Variants in RBM23 observed in about 807,000 individuals in gnomAD.
RBM23 encodes the protein probable RNA-binding protein 23.
RBM23 carries 53 observed loss-of-function variants against 56.2 expected under a neutral mutation model. The observed-to-expected ratio is 0.94, with a 90% CI of 0.76 to 1.19. The LOEUF is 1.19. Among genes scored for constraint, RBM23 ranks in the 50% most tolerant of loss-of-function variants. RBM23 has a pLI of 0.00. For missense variants in RBM23, 642 were observed against 590.3 expected (o/e 1.09, Z -0.91); for synonymous variants, 197 against 198.5 (o/e 0.99, Z 0.06).
At chr14:22,916,548 T>G (rs1025765389) in intron 1 of RBM23, among the ~76,000 whole-genome samples, 3 of 151,728 alleles carry the variant, frequency 2.0e-5, no homozygotes, top group Non-Finnish European at 4.4e-5. Flanking sequence ...AGTACTAGGA[T>G]TACATCTGGC....
At chr14:22,904,631 T>A (rs1226268223) in intron 9 of RBM23, among the ~76,000 whole-genome samples, 2 of 151,892 alleles carry the variant, frequency 1.3e-5, no homozygotes. Flanking sequence ...ACCACCACAT[T>A]GGCTAATTTT....
rs59987550 is a variant in RBM23 at position 22,902,756 on chromosome 14, C to CTT, written c.931-376_931-375dup. ...GTTCTCTATCCTAGTAAGTTTTAGT[C>CTT]TTTTTTTTTTTTTTTTTTTTTTTTT... On this transcript the variant is annotated intron_variant, in intron 10 of 13. Coordinates refer to ENST00000359890, the MANE Select transcript of RBM23 (RefSeq NM_001077351.2). 6.5e-5 allele frequency: 30 copies of CTT among 460,866 alleles called. 2 individuals are homozygous for CTT. Among genetic ancestry groups the CTT allele is most frequent in the African/African-American group, 5.6e-4 (18 of 32,090 alleles). 28.5% of individuals were successfully genotyped at this position (460,866 alleles called of 1,614,324 possible).
At chr14:22,910,908 C>T (rs184802895) in intron 2 of RBM23, among the ~76,000 whole-genome samples, 13 of 152,040 alleles carry the variant, frequency 8.6e-5, no homozygotes, top group East Asian at 3.9e-4. Context: ...CTACTTGGGA[C>T]GCTGAGGCAT....
At chr14:22,913,642 G>A (rs1386062031) in intron 1 of RBM23, 1 of 151,686 alleles carries the variant, frequency 6.6e-6, no homozygotes, top group Non-Finnish European at 1.5e-5. Flanking sequence ...GAGGTCAGGA[G>A]TTTGAGACCA....
At chr14:22,902,820 G>A (rs967960907) in intron 10 of RBM23, 1 of 952,074 alleles carries the variant, frequency 1.1e-6, no homozygotes, top group Non-Finnish European at 1.2e-6. Flanking sequence ...TGTCACTGAG[G>A]CTAGAGTGCA....
At chr14:22,905,758 T>C (rs2041426541) in intron 5 of RBM23, 99 bp from the exon 6 acceptor site, 7 of 961,558 alleles carry the variant, frequency 7.3e-6, no homozygotes, top group South Asian at 1.5e-5. Context: ...CTTCATCTCA[T>C]TGTTTTTTTA....
rs1378079820 is a variant in RBM23 at position 22,904,854 on chromosome 14, G to C, written c.864+21C>G. The stretch of plus-strand genomic sequence containing the variant: ...CCACTTCTTCCAATTCCCTTCAGAG[G>C]TTTCTCTCACTTCTACTCACTTTAC... On this transcript the variant is annotated intron_variant, in intron 9 of 13. Transcript: ENST00000359890. 2.5e-6 allele frequency: 4 copies of C among 1,613,682 alleles called. No individual in the cohort carries two copies. In the African/African-American group the frequency reaches 4.0e-5, roughly 16 times the overall value.
Position 22,900,542 on chromosome 14 carries a change from G to C in RBM23, c.*1188C>G, listed in dbSNP as rs2040362787. 6.6e-6 allele frequency: 1 copy of C among 152,152 alleles called. No individual in the cohort carries two copies. Among genetic ancestry groups the C allele is most frequent in the East Asian group, 1.9e-4 (1 of 5,200 alleles). 9.4% of individuals were successfully genotyped at this position (152,152 alleles called of 1,614,324 possible). On this transcript the variant is annotated 3_prime_UTR_variant, in exon 14 of 14. Transcript: ENST00000359890. ...AGTTAGGATGAAGATAGATGGAGAA[G>C]ACAACCATAGATCAACAGTGTAATG...
At position 22,913,127 on chromosome 14, in the gene RBM23, CAAG is replaced by C. The variant is rs371298421; in HGVS notation, c.-10-1727_-10-1725del. 4.0e-3 allele frequency among the ~76,000 whole-genome samples: 577 copies of C among 145,828 alleles called. 2 individuals carry two copies. The highest frequency in any genetic ancestry group is 0.013 in the African/African-American group (527 of 39,438). On this transcript the variant is annotated intron_variant, in intron 1 of 13. Coordinates refer to ENST00000359890, the MANE Select transcript of RBM23 (RefSeq NM_001077351.2). ...GGGAGAAAAAGATTTTAAAAGGGCACAAGAAGGCCGGGCGCGGTGGCTCATGCT... is the reference window on the plus strand; with the variant it reads ...GGGAGAAAAAGATTTTAAAAGGGCACAAGGCCGGGCGCGGTGGCTCATGCT...
In RBM23 at chr14:22,900,538, A is replaced by C. The variant is rs1430282343; in HGVS notation, c.*1192T>G. On this transcript the variant is annotated 3_prime_UTR_variant, in exon 14 of 14. Transcript: ENST00000359890. ...AGATAGTTAGGATGAAGATAGATGG[A>C]GAAGACAACCATAGATCAACAGTGT... 2 of 152,224 alleles carry C rather than the reference A, an allele frequency of 1.3e-5. No individual in the cohort carries two copies. Among genetic ancestry groups the C allele is most frequent in the Non-Finnish European group, 1.5e-5 (1 of 68,044 alleles). The allele number at this position is 152,224 out of a possible 1,614,324, so 9.4% of individuals were successfully genotyped here. A position where few individuals can be genotyped will look rare whatever the true frequency, so the allele number is the denominator to read the frequency against.
At position 22,900,169 on chromosome 14, in the gene RBM23, T is replaced by C. The variant is rs3811185; in HGVS notation, c.*1561A>G. The C allele has an allele frequency of 0.33, 49,763 of 151,936 alleles. 9,234 individuals are homozygous for C. Among genetic ancestry groups the C allele is most frequent in the African/African-American group, 0.5 (20,863 of 41,398 alleles). 9.4% of individuals were successfully genotyped at this position (151,936 alleles called of 1,614,324 possible). A position where few individuals can be genotyped will look rare whatever the true frequency, so the allele number is the denominator to read the frequency against. Reference sequence around the variant, plus strand: ...GAGGGGACTGACAGAGGAACAACAGTAGACATCAGGTCAGGAGAACCCTGC... The same window carrying C: ...GAGGGGACTGACAGAGGAACAACAGCAGACATCAGGTCAGGAGAACCCTGC... On this transcript the variant is annotated 3_prime_UTR_variant, in exon 14 of 14. Transcript: ENST00000359890.
chr14:22,909,548 G>A lies in RBM23; in HGVS notation c.114C>T (p.Thr38=). The A allele has an allele frequency of 6.2e-7, 1 of 1,613,550 alleles. No individual in the cohort carries two copies. Among genetic ancestry groups the A allele is most frequent in the Non-Finnish European group, 8.5e-7 (1 of 1,179,986 alleles). ...KEVKKDYPSN[T]TSSTSNSGNE... is the part of the protein sequence containing the mutation. The stretch of plus-strand genomic sequence containing the variant: ...TGCCACTGTTGCTGGTGCTGCTGGT[G>A]GTATTGCTAGGATAATCCTTTTTAA... The change falls in exon 3 of 14, where the codon ACC becomes ACT. Residue 38 remains threonine (T), a synonymous_variant. Coordinates refer to ENST00000359890, the MANE Select transcript of RBM23 (RefSeq NM_001077351.2).
At position 22,901,429 on chromosome 14, in the gene RBM23, A is replaced by G; in HGVS notation, c.*301T>C. On this transcript the variant is annotated 3_prime_UTR_variant, in exon 14 of 14. Coordinates refer to ENST00000359890, the MANE Select transcript of RBM23 (RefSeq NM_001077351.2). ...TGGGGGAGAAATTGAGGAATCACTA[A>G]GGTGTTGGAAAGGGCAAGAAGGTAA... 1 of 525,164 alleles carries G rather than the reference A, an allele frequency of 1.9e-6. No homozygotes were observed. Among genetic ancestry groups the G allele is most frequent in the Non-Finnish European group, 3.4e-6 (1 of 294,450 alleles). 32.5% of individuals were successfully genotyped at this position (525,164 alleles called of 1,614,324 possible).
chr14:22,903,448 C>G (rs2040970700), intron 10 of RBM23: 1 of 985,354 alleles, frequency 1.0e-6, no homozygotes, highest in South Asian at 4.7e-5. Flanking sequence ...CCACAGCTAG[C>G]TTGTTTAGCT....
chr14:22,915,914 A>T (rs181792998), intron 1 of RBM23, among the ~76,000 whole-genome samples: 1 of 152,360 alleles, frequency 6.6e-6, no homozygotes, highest in Admixed American at 6.5e-5. Flanking sequence ...GAACTGCTCA[A>T]AGTCATACAT....
intron 2 of RBM23, among the ~76,000 whole-genome samples, chr14:22,910,236 C>A (rs561548510): frequency 2.2e-5 from 3 of 135,592 alleles, no homozygotes; most frequent in Non-Finnish European, 4.7e-5. Flanking sequence ...CCAAGGCAGG[C>A]GGGTCACCTG....
Position 22,911,200 on chromosome 14 carries a change from T to C in RBM23, c.66+128A>G, listed in dbSNP as rs867170012. ...AAGCTTACTAAGACTATGCCTTTTA[T>C]GATTAGTTATTCTACATAATAAATA... On this transcript the variant is annotated intron_variant, in intron 2 of 13. Coordinates refer to ENST00000359890, the MANE Select transcript of RBM23 (RefSeq NM_001077351.2). 4.4e-5 allele frequency: 34 copies of C among 770,086 alleles called. No homozygotes were observed. In the African/African-American group the frequency reaches 4.7e-4, roughly 11 times the overall value. 47.7% of individuals were successfully genotyped at this position (770,086 alleles called of 1,614,324 possible). A position where few individuals can be genotyped will look rare whatever the true frequency, so the allele number is the denominator to read the frequency against.
rs2040206104 is a variant in RBM23, at chr14:22,893,964, G to GTTTCCT, written c.*7765_*7766insAGGAAA. On this transcript the variant is annotated 3_prime_UTR_variant, in exon 14 of 14. Coordinates refer to ENST00000359890, the MANE Select transcript of RBM23 (RefSeq NM_001077351.2). ...AGTGCTCAGGATGTTTCCTGGATGG[G>GTTTCCT]GGTCTGTGGATGAAGTCACTCTTAA... 6.6e-6 allele frequency: 1 copy of GTTTCCT among 152,130 alleles called. No individual in the cohort carries two copies. Among genetic ancestry groups the GTTTCCT allele is most frequent in the Non-Finnish European group, 1.5e-5 (1 of 68,018 alleles). The allele number at this position is 152,130 out of a possible 1,614,324, so 9.4% of individuals were successfully genotyped here.
At chr14:22,903,431 G>A (rs750026113) in intron 10 of RBM23, 106 of 985,274 alleles carry the variant, frequency 1.1e-4, no homozygotes, top group Admixed American at 3.1e-4. Context: ...CCACAGAATT[G>A]TCAACACCAC....
Sources: gnomAD v4.1 joint callset for allele counts (sites outside exome capture counted in the v4.1 genomes callset) on GRCh38, gnomAD v4.1.1 for gene constraint, MANE v1.5 for transcripts, NCBI Gene and HGNC (gene_info 2026-07-23, HGNC 2026-07-21) for gene names.